PLEKHB2: variants seen among roughly 807,000 people sequenced by gnomAD.
The protein encoded by PLEKHB2 is pleckstrin homology domain containing B2.
In PLEKHB2, 31 loss-of-function variants were observed where a neutral mutation model predicts 36.5. The ratio of observed to expected loss-of-function variants is 0.85; its 90% CI spans 0.64 to 1.15. The LOEUF (loss-of-function observed/expected upper bound fraction) is 1.15. PLEKHB2 is among the 50% of genes most tolerant of loss of function. The probability of loss-of-function intolerance (pLI) is 0.00; values close to 1 mark genes in which losing one functional copy is unlikely to be tolerated. For synonymous variants in PLEKHB2, 119 were observed against 112.0 expected, an observed-to-expected ratio of 1.06 and a Z score of -0.39; for missense variants, 262 against 295.3, an observed-to-expected ratio of 0.89 and a Z score of 0.83.
rs752382072 is a variant in PLEKHB2, at chr2:131,120,986, C to G, written c.37+8C>G. 1 of 1,613,566 alleles carries G rather than the reference C, an allele frequency of 6.2e-7. No homozygotes were observed. The highest frequency in any genetic ancestry group is 1.3e-5 in the African/African-American group (1 of 75,062). On this transcript the variant is annotated splice_region_variant and intron_variant, in intron 2 of 7. Coordinates refer to ENST00000693505, the MANE Select transcript of PLEKHB2 (RefSeq NM_001100623.2). The stretch of plus-strand genomic sequence containing the variant: ...GCTGGTTGCTGCGACAGAGTGAGTA[C>G]AGGATGTGCGGTCTGCGATCGGCAT...
chr2:131,119,885 C>T (rs977868536), intron 1 of PLEKHB2, among the ~76,000 whole-genome samples: 9 of 151,282 alleles, frequency 5.9e-5, no homozygotes, highest in African/African-American at 2.2e-4. Context: ...TAAATTATTG[C>T]CTTTTCTGTA....
At chr2:131,133,090 A>G (rs774948830) in intron 6 of PLEKHB2, 99 bp downstream of exon 6, 13 of 753,740 alleles carry the variant, frequency 1.7e-5, no homozygotes, top group South Asian at 1.4e-4. Flanking sequence ...AATGTACTCT[A>G]AACCTTTTCT....
intron 5 of PLEKHB2, among the ~76,000 whole-genome samples, chr2:131,131,388 C>T (rs1051283204): frequency 6.6e-6 from 1 of 152,212 alleles, no homozygotes; most frequent in Non-Finnish European, 1.5e-5. Flanking sequence ...CATGGGAGCT[C>T]AGCCTGTGAA....
intron 7 of PLEKHB2, among the ~76,000 whole-genome samples, chr2:131,145,043 TC>T (rs1173228314): frequency 6.6e-6 from 1 of 152,234 alleles, no homozygotes; most frequent in Non-Finnish European, 1.5e-5. Context: ...ATTGTACTAC[TC>T]TGTGCCTTTT....
intron 6 of PLEKHB2, among the ~76,000 whole-genome samples, chr2:131,135,715 C>G (rs1251493936): frequency 6.6e-6 from 1 of 152,106 alleles, no homozygotes; most frequent in Non-Finnish European, 1.5e-5. Flanking sequence ...ACCATTCTGC[C>G]TCAGCCTCTC....
chr2:131,120,772 C>G (rs1460449523), intron 1 of PLEKHB2, 162 bp from the exon 2 acceptor site: 1 of 720,974 alleles, frequency 1.4e-6, no homozygotes, highest in Non-Finnish European at 2.5e-6. Flanking sequence ...GCACATGAAC[C>G]CCAATGAGGA....
chr2:131,131,991 G>A (rs1450212860), intron 5 of PLEKHB2, among the ~76,000 whole-genome samples: 7 of 151,852 alleles, frequency 4.6e-5, no homozygotes, highest in Admixed American at 1.3e-4. Context: ...GTGCCACCAC[G>A]CCCAGCTAAT....
In PLEKHB2 at chr2:131,116,124, G is replaced by A. The variant is rs190011051; in HGVS notation, c.-8-4810G>A. On this transcript the variant is annotated intron_variant, in intron 1 of 7. Coordinates refer to ENST00000693505, the MANE Select transcript of PLEKHB2 (RefSeq NM_001100623.2). ...TAAGTTCTTTTCTGTCTCATAATCT[G>A]ATTTCCCCTTTCTCTAATAGTTTTA... Among the ~76,000 whole-genome samples the A allele has an allele frequency of 2.8e-3, 431 of 152,324 alleles. 9 individuals are homozygous for A. Among genetic ancestry groups the A allele is most frequent in the Admixed American group, 0.024 (364 of 15,288 alleles).
chr2:131,117,622 T>C (rs1274224167), intron 1 of PLEKHB2, among the ~76,000 whole-genome samples: 1 of 152,170 alleles, frequency 6.6e-6, no homozygotes, highest in African/African-American at 2.4e-5. Flanking sequence ...TTTTTTTTTG[T>C]ATGAAATATA....
chr2:131,120,740 G>T, intron 1 of PLEKHB2, 194 bp from the exon 2 acceptor site: 1 of 652,194 alleles, frequency 1.5e-6, no homozygotes, highest in Non-Finnish European at 2.8e-6. Context: ...GTGGGAGGAA[G>T]GGAGGGGGTA....
At chr2:131,145,372 A>G (rs1220996534) in intron 7 of PLEKHB2, among the ~76,000 whole-genome samples, 1 of 151,740 alleles carries the variant, frequency 6.6e-6, no homozygotes, top group Non-Finnish European at 1.5e-5. Context: ...ACAGAGTTGC[A>G]CTCTGTTGCC....
chr2:131,108,260 G>A (rs1386885692), intron 1 of PLEKHB2, among the ~76,000 whole-genome samples: 2 of 152,172 alleles, frequency 1.3e-5, no homozygotes, highest in Non-Finnish European at 2.9e-5. Context: ...TGTTGAATAT[G>A]GCTTACATTT....
At chr2:131,117,433 T>C (rs1387402491) in intron 1 of PLEKHB2, among the ~76,000 whole-genome samples, 1 of 152,096 alleles carries the variant, frequency 6.6e-6, no homozygotes, top group African/African-American at 2.4e-5. Context: ...ACAAACCCAT[T>C]AGAAATGTAA....
chr2:131,109,678 G>A (rs1490970698), intron 1 of PLEKHB2, among the ~76,000 whole-genome samples: 1 of 151,086 alleles, frequency 6.6e-6, no homozygotes, highest in Non-Finnish European at 1.5e-5. Flanking sequence ...CAACAAGAGC[G>A]AAACTCTGTC....
At position 131,132,893 on chromosome 2, in the gene PLEKHB2, C is replaced by G; in HGVS notation, c.334-9C>G. On this transcript the variant is annotated splice_polypyrimidine_tract_variant and intron_variant, in intron 5 of 7. Transcript: ENST00000693505. ...CTGTCCTGTCCTCACCCTCTCCTGT[C>G]TCCCGCAGGCGTATGTGGGCTCTGC... is the stretch of plus-strand genomic sequence containing the variant. 1.3e-6 allele frequency: 2 copies of G among 1,563,664 alleles called. No individual in the cohort carries two copies. The highest frequency in any genetic ancestry group is 1.1e-5 in the South Asian group (1 of 90,062).
At chr2:131,105,454 C>T (rs1268655507) in intron 1 of PLEKHB2, 56 bp downstream of exon 1, 2 of 152,950 alleles carry the variant, frequency 1.3e-5, no homozygotes, top group Non-Finnish European at 2.9e-5. Flanking sequence ...CTGGCCCGCG[C>T]CTCTCCAGAT....
chr2:131,110,531 A>G (rs868115877), intron 1 of PLEKHB2, among the ~76,000 whole-genome samples: 1 of 151,968 alleles, frequency 6.6e-6, no homozygotes, highest in Non-Finnish European at 1.5e-5. Context: ...GTGCACCACT[A>G]TGTGCAGCTA....
At chr2:131,110,114 CAAAA>C (rs879482806) in intron 1 of PLEKHB2, among the ~76,000 whole-genome samples, 1 of 133,720 alleles carries the variant, frequency 7.5e-6, no homozygotes, top group African/African-American at 2.7e-5. Context: ...GACTCCGTCT[CAAAA>C]AAAAAAAATA....
intron 4 of PLEKHB2, among the ~76,000 whole-genome samples, chr2:131,130,382 A>C (rs560834366): frequency 6.6e-6 from 1 of 152,114 alleles, no homozygotes; most frequent in Non-Finnish European, 1.5e-5. Flanking sequence ...TGCTAATCTA[A>C]ATTTTTTACT....
Sources: gnomAD v4.1 joint callset for allele counts (sites outside exome capture counted in the v4.1 genomes callset) on GRCh38, gnomAD v4.1.1 for gene constraint, MANE v1.5 for transcripts, NCBI Gene and HGNC (gene_info 2026-07-23, HGNC 2026-07-21) for gene names.